Variants in AMMECR1 observed in about 807,000 individuals in gnomAD.
The protein encoded by AMMECR1 is AMMECR nuclear protein 1, also known as nuclear protein AMMECR1.
A neutral mutation model predicts 22.5 loss-of-function variants in AMMECR1; 3 were observed. That is an observed-to-expected ratio of 0.13 (90% confidence interval 0.06 to 0.35). AMMECR1 has a LOEUF of 0.35. AMMECR1 is among the 10% of genes least tolerant of loss of function. The probability of loss-of-function intolerance (pLI) is 1.00; values close to 1 mark genes in which losing one functional copy is unlikely to be tolerated. For missense variants in AMMECR1, 235 were observed against 278.7 expected, an observed-to-expected ratio of 0.84 and a Z score of 1.12; for synonymous variants, 130 against 116.7, an observed-to-expected ratio of 1.11 and a Z score of -0.74.
In AMMECR1 at chrX:110,317,630, G is replaced by A; in HGVS notation, c.442C>T (p.Pro148Ser). The change falls in exon 1 of 6, where the codon CCC becomes TCC. Residue 148 changes from proline (P) to serine (S), a missense_variant. Transcript: ENST00000262844. ...LYCHLYGYQQ[P>S]RTPRFTNEPY... The stretch of plus-strand genomic sequence containing the variant: ...TCGTTGGTGAATCGGGGGGTCCGGG[G>A]CTGCTGGTATCCATACAGGTGACAG... 4 of 1,200,594 alleles carry A rather than the reference G, an allele frequency of 3.3e-6. No homozygotes were observed. Among genetic ancestry groups the A allele is most frequent in the Non-Finnish European group, 4.5e-6 (4 of 889,078 alleles).
intron 2 of AMMECR1, among the ~76,000 whole-genome samples, chrX:110,385,972 A>G (rs754877293): frequency 3.9e-4 from 44 of 112,260 alleles, no homozygotes; most frequent in Middle Eastern, 4.6e-3. Flanking sequence ...CTTCCTTTTT[A>G]AGGCTGAATA....
chrX:110,264,472 C>T lies in AMMECR1; in HGVS notation c.584+17G>A, dbSNP rs767703368. The T allele has an allele frequency of 6.5e-5, 68 of 1,048,698 alleles. No individual in the cohort carries two copies. Among genetic ancestry groups the T allele is most frequent in the Non-Finnish European group, 5.2e-6 (4 of 774,693 alleles). 86.4% of individuals were successfully genotyped at this position (1,048,698 alleles called of 1,213,427 possible). A position where few individuals can be genotyped will look rare whatever the true frequency, so the allele number is the denominator to read the frequency against. On this transcript the variant is annotated intron_variant, in intron 2 of 5. Coordinates refer to ENST00000262844, the MANE Select transcript of AMMECR1 (RefSeq NM_015365.3). ...TTTTTTAATGTAAAAGCAGAGGTAA[C>T]AAAAATTGGTCTTCACCTGGTAAGT...
upstream of AMMECR1, among the ~76,000 whole-genome samples, chrX:110,320,881 A>G (rs1398179781): frequency 8.9e-6 from 1 of 112,070 alleles, no homozygotes; most frequent in Non-Finnish European, 1.9e-5. Context: ...TTGGCTGACT[A>G]AAAGGGGGAA....
At chrX:110,320,433 A>T (rs917516633), upstream of AMMECR1, among the ~76,000 whole-genome samples, 1 of 112,184 alleles carries the variant, frequency 8.9e-6, no homozygotes, top group South Asian at 3.7e-4. Context: ...ATTTAATGAC[A>T]TCACAAAACA....
At chrX:110,243,602 A>G (rs1367084367) in intron 2 of AMMECR1, among the ~76,000 whole-genome samples, 1 of 112,055 alleles carries the variant, frequency 8.9e-6, no homozygotes, top group Non-Finnish European at 1.9e-5. Context: ...TTCTTAGGTA[A>G]TAAGAACAGA....
rs771570671 is a variant in AMMECR1, at chrX:110,307,534, A to C, written c.473+10065T>G. On this transcript the variant is annotated intron_variant, in intron 1 of 5. Coordinates refer to ENST00000262844, the MANE Select transcript of AMMECR1 (RefSeq NM_015365.3). Reference sequence around the variant, plus strand: ...AACTGTGAGCAAACTACATGAAACAAACTTCACACATCTAAGTAGAGGCTA... The same window carrying C: ...AACTGTGAGCAAACTACATGAAACACACTTCACACATCTAAGTAGAGGCTA... Among the ~76,000 whole-genome samples, 4 of 112,065 alleles carry C rather than the reference A, an allele frequency of 3.6e-5. No individual in the cohort carries two copies. The Admixed American group carries it at 3.8e-4, about 11-fold the overall frequency.
chrX:110,223,224 GTC>G (rs1285698750), intron 2 of AMMECR1, among the ~76,000 whole-genome samples: 2 of 112,494 alleles, frequency 1.8e-5, no homozygotes, highest in Non-Finnish European at 3.8e-5. Context: ...TCTACAAAAT[GTC>G]TACATAATGC....
chrX:110,425,524 A>C (rs936101089), intron 2 of AMMECR1, among the ~76,000 whole-genome samples: 9 of 113,031 alleles, frequency 8.0e-5, no homozygotes, highest in Non-Finnish European at 1.7e-4. Flanking sequence ...ATCATTTCTT[A>C]AGAGGTTCTG....
At chrX:110,346,514 T>C (rs2068189636) in intron 2 of AMMECR1, among the ~76,000 whole-genome samples, 1 of 112,399 alleles carries the variant, frequency 8.9e-6, no homozygotes, top group East Asian at 2.8e-4. Flanking sequence ...TATAAAACAA[T>C]TACCCTTGTG....
chrX:110,392,889 A>G (rs1354911671), intron 2 of AMMECR1, among the ~76,000 whole-genome samples: 2 of 112,174 alleles, frequency 1.8e-5, no homozygotes, highest in Non-Finnish European at 3.8e-5. Context: ...GATGGTATGT[A>G]TATGTGAGTT....
chrX:110,347,547 G>T (rs1247931520), intron 2 of AMMECR1, among the ~76,000 whole-genome samples: 1 of 112,626 alleles, frequency 8.9e-6, no homozygotes, highest in African/African-American at 3.2e-5. Context: ...TGTCAATAAG[G>T]AAAGCATAAT....
upstream of AMMECR1, among the ~76,000 whole-genome samples, chrX:110,320,610 C>T (rs1308583210): frequency 8.9e-6 from 1 of 112,151 alleles, no homozygotes; most frequent in Non-Finnish European, 1.9e-5. Context: ...CACCAGTAGT[C>T]ATGTCCTTAG....
intron 2 of AMMECR1, among the ~76,000 whole-genome samples, chrX:110,337,650 A>G (rs1383488819): frequency 2.7e-5 from 3 of 111,896 alleles, no homozygotes; most frequent in African/African-American, 9.8e-5. Flanking sequence ...ACTGTGGGAA[A>G]CAGTATGGCA....
intron 1 of AMMECR1, among the ~76,000 whole-genome samples, chrX:110,430,624 C>T (rs1420110665): frequency 8.9e-6 from 1 of 111,869 alleles, no homozygotes; most frequent in Non-Finnish European, 1.9e-5. Flanking sequence ...ACTATGAGAG[C>T]CATATAGTCC....
chrX:110,203,765 C>T (rs2067408424), intron 3 of AMMECR1, among the ~76,000 whole-genome samples: 2 of 111,438 alleles, frequency 1.8e-5, no homozygotes, highest in Admixed American at 1.9e-4. Flanking sequence ...TTCTTCTACC[C>T]CCAGTCTCAA....
At chrX:110,368,538 A>G (rs2068314150) in intron 2 of AMMECR1, among the ~76,000 whole-genome samples, 1 of 112,056 alleles carries the variant, frequency 8.9e-6, no homozygotes, top group Non-Finnish European at 1.9e-5. Flanking sequence ...CTTCTGTCAA[A>G]TCTCTGTGCA....
intron 2 of AMMECR1, among the ~76,000 whole-genome samples, chrX:110,411,704 C>A (rs1014847276): frequency 8.9e-6 from 1 of 112,238 alleles, no homozygotes; most frequent in African/African-American, 3.2e-5. Context: ...AGAAGGAAGA[C>A]AATGGTTTAT....
At chrX:110,200,065 G>A (rs778492191) in intron 5 of AMMECR1, among the ~76,000 whole-genome samples, 2 of 111,014 alleles carry the variant, frequency 1.8e-5, no homozygotes, top group East Asian at 5.7e-4. Flanking sequence ...GACTCACAAG[G>A]TCTTCCTTAA....
rs1455879265 is a variant in AMMECR1 at position 110,343,581 on chromosome X, T to G, written c.-147-25732A>C. 2.7e-5 allele frequency among the ~76,000 whole-genome samples: 3 copies of G among 111,285 alleles called. No homozygotes were observed. In the Admixed American group the frequency reaches 2.9e-4, roughly 11 times the overall value. On this transcript the variant is annotated intron_variant, in intron 2 of 7. Transcript: ENST00000372057. ...CCTGTTTGCAGATGACATGACTGTATATCTAGAAAACCCCATTGTCTCAGC... is the reference window on the plus strand; with the variant it reads ...CCTGTTTGCAGATGACATGACTGTAGATCTAGAAAACCCCATTGTCTCAGC...
Sources: allele counts gnomAD v4.1 joint callset (sites outside exome capture counted in the v4.1 genomes callset), GRCh38; gene constraint gnomAD v4.1.1; transcripts MANE v1.5; gene names NCBI Gene and HGNC (gene_info 2026-07-23, HGNC 2026-07-21).